Variants in NFATC2 observed in about 807,000 individuals in gnomAD.
NFATC2 encodes the protein nuclear factor of activated T-cells, cytoplasmic 2.
NFATC2 carries 22 observed loss-of-function variants against 87.3 expected under a neutral mutation model. The observed-to-expected ratio is 0.25, with a 90% CI of 0.18 to 0.36. The LOEUF is 0.36. Ranked by LOEUF, NFATC2 falls within the 10% of genes least tolerant of loss-of-function variation. NFATC2 has a pLI of 1.00. For synonymous variants in NFATC2, 565 were observed against 542.2 expected (o/e 1.04, Z -0.58); for missense variants, 1,149 against 1,259.1 (o/e 0.91, Z 1.32).
At chr20:51,558,294 A>T (rs6096472) in intron 1 of NFATC2, among the ~76,000 whole-genome samples, 27,999 of 152,158 alleles carry the variant, frequency 0.18, 2,785 homozygotes, top group Middle Eastern at 0.22. Context: ...GTGAGCCATG[A>T]TCACACCACT....
At chr20:51,420,141 C>T (rs1307176730) in intron 9 of NFATC2, among the ~76,000 whole-genome samples, 1 of 152,128 alleles carries the variant, frequency 6.6e-6, no homozygotes, top group Non-Finnish European at 1.5e-5. Flanking sequence ...TCCTGCTTTT[C>T]CTATATGAAT....
At chr20:51,510,312 C>A (rs1352965777) in intron 3 of NFATC2, among the ~76,000 whole-genome samples, 1 of 152,206 alleles carries the variant, frequency 6.6e-6, no homozygotes, top group Non-Finnish European at 1.5e-5. Flanking sequence ...ATACAGGCCA[C>A]TCTCAACTGG....
chr20:51,517,592 C>CAA, intron 2 of NFATC2, among the ~76,000 whole-genome samples: 1 of 136,114 alleles, frequency 7.3e-6, no homozygotes, highest in East Asian at 2.1e-4. Context: ...GACCCTGTCT[C>CAA]AAAAAAAAAA....
chr20:51,477,398 G>A (rs2146524795), intron 3 of NFATC2, among the ~76,000 whole-genome samples: 1 of 151,760 alleles, frequency 6.6e-6, no homozygotes, highest in Non-Finnish European at 1.5e-5. Flanking sequence ...TGGAGAAGAA[G>A]CTCAAGATTG....
chr20:51,496,101 GGT>G (rs2075984058), intron 3 of NFATC2, among the ~76,000 whole-genome samples: 1 of 152,124 alleles, frequency 6.6e-6, no homozygotes, highest in South Asian at 2.1e-4. Context: ...GAGGAATGTG[GGT>G]GTGTGAACTG....
In NFATC2 at chr20:51,391,185, G is replaced by A. The variant is rs1986272763; in HGVS notation, c.*311C>T. 2.9e-6 allele frequency: 2 copies of A among 694,858 alleles called. No individual in the cohort carries two copies. Among genetic ancestry groups the A allele is most frequent in the Non-Finnish European group, 5.3e-6 (2 of 379,470 alleles). The allele number at this position is 694,858 out of a possible 1,614,324, so 43.0% of individuals were successfully genotyped here. ...TTAAGATCAACCAGGATGCTCTCTG[G>A]GATTTAAAACATAAACCGAAAAGAA... is the stretch of plus-strand genomic sequence containing the variant. On this transcript the variant is annotated 3_prime_UTR_variant, in exon 11 of 11. Coordinates refer to ENST00000371564, the MANE Select transcript of NFATC2 (RefSeq NM_012340.5).
intron 9 of NFATC2, among the ~76,000 whole-genome samples, chr20:51,413,808 A>G (rs1356288562): frequency 6.6e-6 from 1 of 152,160 alleles, no homozygotes; most frequent in Non-Finnish European, 1.5e-5. Context: ...ACTAAAGAAC[A>G]TGTACAAATG....
At chr20:51,533,667 G>A (rs1431419941) in intron 1 of NFATC2, among the ~76,000 whole-genome samples, 3 of 152,240 alleles carry the variant, frequency 2.0e-5, no homozygotes, top group Admixed American at 6.5e-5. Flanking sequence ...AGACGGGGCT[G>A]AAAGAAGGAC....
intron 9 of NFATC2, among the ~76,000 whole-genome samples, chr20:51,429,217 C>T (rs1007979529): frequency 2.6e-5 from 4 of 152,248 alleles, no homozygotes; most frequent in African/African-American, 9.6e-5. Flanking sequence ...AAACTGCACC[C>T]ACATCTTGGT....
At chr20:51,455,432 CT>C (rs1294808826) in intron 5 of NFATC2, among the ~76,000 whole-genome samples, 1 of 151,888 alleles carries the variant, frequency 6.6e-6, no homozygotes, top group African/African-American at 2.4e-5. Flanking sequence ...TGGGAGGCTT[CT>C]TTAACCCACC....
chr20:51,555,462 G>T (rs774089885), intron 1 of NFATC2, among the ~76,000 whole-genome samples: 1 of 152,008 alleles, frequency 6.6e-6, no homozygotes, highest in African/African-American at 2.4e-5. Flanking sequence ...GTGTGGTGGC[G>T]GGCGCCTGTA....
intron 3 of NFATC2, among the ~76,000 whole-genome samples, chr20:51,497,892 G>A (rs2076015688): frequency 6.6e-6 from 1 of 152,068 alleles, no homozygotes; most frequent in Non-Finnish European, 1.5e-5. Context: ...GCAGCCCCCG[G>A]GGGAACTCAG....
chr20:51,506,475 C>T (rs1047440620), intron 3 of NFATC2, among the ~76,000 whole-genome samples: 1 of 152,180 alleles, frequency 6.6e-6, no homozygotes, highest in Non-Finnish European at 1.5e-5. Flanking sequence ...GAGAAGCCAT[C>T]ACCTCCCCGT....
chr20:51,468,357 G>A (rs1356068968), intron 5 of NFATC2, among the ~76,000 whole-genome samples: 1 of 152,184 alleles, frequency 6.6e-6, no homozygotes, highest in Non-Finnish European at 1.5e-5. Context: ...GGCAGAGAGG[G>A]AAAAGAGCAT....
chr20:51,432,250 G>A lies in NFATC2; in HGVS notation c.2539C>T (p.Pro847Ser), dbSNP rs1982837279. 2 of 1,614,080 alleles carry A rather than the reference G, an allele frequency of 1.2e-6. No individual in the cohort carries two copies. The highest frequency in any genetic ancestry group is 8.5e-7 in the Non-Finnish European group (1 of 1,180,042). ...AGCCTCTGACCTTGACTGACCGGGG[G>A]CGGGCCAGGTCTGGTGGTGCCTGGT... ...FAPGTTRPGP[P>S]PVSQGQRLSP... The change falls in exon 9 of 11, where the codon CCC becomes TCC. Residue 847 changes from proline to serine, a missense_variant. By Grantham distance (74) the Pro-to-Ser change is moderately conservative. Around this residue, in one of 3 missense-constraint regions of NFATC2, gnomAD observed 581 missense variants for 649.7 expected, o/e 0.89. Coordinates refer to ENST00000371564, the MANE Select transcript of NFATC2 (RefSeq NM_012340.5). This position sits in a 1 kb window ranked among gnomAD's most constrained non-coding sequence, Gnocchi z 4.6.
intron 10 of NFATC2, among the ~76,000 whole-genome samples, chr20:51,392,654 A>G (rs1986496515): frequency 6.6e-6 from 1 of 152,226 alleles, no homozygotes. Context: ...CATCAAAGGC[A>G]GGTTCATTTC....
intron 1 of NFATC2, among the ~76,000 whole-genome samples, chr20:51,533,232 C>G (rs938992674): frequency 1.3e-5 from 2 of 152,230 alleles, no homozygotes; most frequent in African/African-American, 4.8e-5. Flanking sequence ...GGAAGGTGGA[C>G]AGATTCTTCA....
chr20:51,418,659 G>GTTTT (rs752511466), intron 9 of NFATC2, among the ~76,000 whole-genome samples: 110 of 125,092 alleles, frequency 8.8e-4, no homozygotes, highest in African/African-American at 3.2e-3. Context: ...TGTTTGTTTG[G>GTTTT]TTTTTTTTTT....
intron 9 of NFATC2, among the ~76,000 whole-genome samples, chr20:51,408,314 G>A (rs1000903082): frequency 6.6e-6 from 1 of 152,102 alleles, no homozygotes; most frequent in Middle Eastern, 3.2e-3. Context: ...AGGAGTTCGA[G>A]ACCAGCCTGG....
Sources: allele counts gnomAD v4.1 joint callset (sites outside exome capture counted in the v4.1 genomes callset), GRCh38; gene constraint gnomAD v4.1.1; regional missense constraint gnomAD v4.1.1; non-coding constraint Gnocchi (gnomAD v3.1); transcripts MANE v1.5; gene names NCBI Gene and HGNC (gene_info 2026-07-23, HGNC 2026-07-21).